Variants in SPSB4 observed in about 807,000 individuals in gnomAD.
SPSB4 encodes the protein SPRY domain-containing SOCS box protein 4.
In SPSB4, 21 loss-of-function variants were observed where a neutral mutation model predicts 20.9. The ratio of observed to expected loss-of-function variants is 1.01; its 90% CI spans 0.71 to 1.45. The LOEUF (loss-of-function observed/expected upper bound fraction) is 1.45. Ranked by LOEUF, SPSB4 falls within the 40% of genes most tolerant of loss-of-function variation. The pLI is 0.00. For missense variants in SPSB4, 399 were observed against 399.2 expected (o/e 1.00, Z 0.00); for synonymous variants, 207 against 183.8 (o/e 1.13, Z -1.02).
rs1016353313 is a variant in SPSB4, at chr3:141,123,490, A to G, written c.695-23652A>G. ...CTAAATTACTTACTCCTATGCCAGT[A>G]CCACTCAATGTCATTGCTACAGTGT... On this transcript the variant is annotated intron_variant, in intron 2 of 2. Transcript: ENST00000310546. Among the ~76,000 whole-genome samples the G allele has an allele frequency of 5.9e-5, 9 of 152,354 alleles. No individual in the cohort carries two copies. The East Asian group carries it at 7.7e-4, about 13-fold the overall frequency.
intron 2 of SPSB4, among the ~76,000 whole-genome samples, chr3:141,092,441 G>A (rs542039515): frequency 6.6e-6 from 1 of 152,332 alleles, no homozygotes; most frequent in East Asian, 1.9e-4. Flanking sequence ...GATCAGTCAA[G>A]AAGCATTCAT....
chr3:141,134,035 C>CTTTTCTTTTTTTTTTTTTTTTTTCTTTTT (rs1939181918), intron 2 of SPSB4, among the ~76,000 whole-genome samples: 1 of 46,764 alleles, frequency 2.1e-5, no homozygotes, highest in Non-Finnish European at 4.0e-5. Context: ...TTTTTCTTTT[C>CTTTTCTTTTTTTTTTTTTTTTTTCTTTTT]TTTTTTTTTT....
At chr3:141,123,416 A>G (rs1397395550) in intron 2 of SPSB4, among the ~76,000 whole-genome samples, 4 of 152,204 alleles carry the variant, frequency 2.6e-5, no homozygotes, top group East Asian at 1.9e-4. Flanking sequence ...TTGTACACAG[A>G]TGTGTGCCTC....
At chr3:141,143,347 G>A (rs552029954) in intron 2 of SPSB4, among the ~76,000 whole-genome samples, 6 of 152,148 alleles carry the variant, frequency 3.9e-5, no homozygotes, top group East Asian at 1.9e-4. Flanking sequence ...CCCTAGGGAC[G>A]GGGCTACCTG....
At chr3:141,061,494 G>T (rs2107776493) in intron 1 of SPSB4, among the ~76,000 whole-genome samples, 1 of 151,952 alleles carries the variant, frequency 6.6e-6, no homozygotes, top group South Asian at 2.1e-4. Context: ...GTACAGAGAG[G>T]TCCCATATGC....
intron 2 of SPSB4, among the ~76,000 whole-genome samples, chr3:141,120,564 C>T (rs958900930): frequency 9.8e-5 from 15 of 152,288 alleles, no homozygotes; most frequent in African/African-American, 3.6e-4. Flanking sequence ...TTGTAGATCT[C>T]TAAGGACTTC....
At chr3:141,143,665 T>G (rs1939371050) in intron 2 of SPSB4, among the ~76,000 whole-genome samples, 1 of 152,250 alleles carries the variant, frequency 6.6e-6, no homozygotes, top group Non-Finnish European at 1.5e-5. Flanking sequence ...TGGCATGCAG[T>G]GGAATTAACT....
chr3:141,147,440 C>A lies in SPSB4; in HGVS notation c.*171C>A. On this transcript the variant is annotated 3_prime_UTR_variant, in exon 3 of 3. Coordinates refer to ENST00000310546, the MANE Select transcript of SPSB4 (RefSeq NM_080862.3). ...GGTACCAACTTTGGAAACGAAAGGT[C>A]TCTTGCCAACAGTATCTACTGCCCT... 8.8e-7 allele frequency: 1 copy of A among 1,137,936 alleles called. No homozygotes were observed. Among genetic ancestry groups the A allele is most frequent in the Non-Finnish European group, 1.2e-6 (1 of 817,702 alleles). The allele number at this position is 1,137,936 out of a possible 1,614,324, so 70.5% of individuals were successfully genotyped here.
At chr3:141,073,214 G>A (rs1272819602) in intron 2 of SPSB4, among the ~76,000 whole-genome samples, 2 of 152,170 alleles carry the variant, frequency 1.3e-5, no homozygotes, top group Non-Finnish European at 2.9e-5. Context: ...TATTAGAAGT[G>A]ATGCAGAAAT....
intron 2 of SPSB4, among the ~76,000 whole-genome samples, chr3:141,094,309 G>A (rs1057415832): frequency 1.1e-4 from 16 of 152,224 alleles, no homozygotes; most frequent in East Asian, 1.9e-4. Flanking sequence ...CAGGTGCATG[G>A]GAACTTGGTG....
intron 2 of SPSB4, among the ~76,000 whole-genome samples, chr3:141,109,821 G>A (rs1360968742): frequency 1.3e-5 from 2 of 152,190 alleles, no homozygotes; most frequent in Admixed American, 1.3e-4. Context: ...ATTAAGCAGG[G>A]CAGGTCACAG....
chr3:141,093,312 G>C (rs1412712330), intron 2 of SPSB4, among the ~76,000 whole-genome samples: 1 of 151,754 alleles, frequency 6.6e-6, no homozygotes, highest in African/African-American at 2.4e-5. Context: ...GCCATACATT[G>C]CAGTAAGCAC....
intron 2 of SPSB4, among the ~76,000 whole-genome samples, chr3:141,083,228 T>C (rs1372222850): frequency 6.6e-6 from 1 of 152,214 alleles, no homozygotes; most frequent in East Asian, 1.9e-4. Context: ...GGCCAGCTTA[T>C]TTGATGGAGG....
chr3:141,071,916 T>C (rs1938013970), intron 2 of SPSB4, among the ~76,000 whole-genome samples: 1 of 152,264 alleles, frequency 6.6e-6, no homozygotes, highest in Admixed American at 6.5e-5. Flanking sequence ...CTGGTATTGA[T>C]GAAGGCCAGA....
intron 2 of SPSB4, among the ~76,000 whole-genome samples, chr3:141,122,355 C>A (rs1005378514): frequency 5.3e-5 from 8 of 152,122 alleles, no homozygotes; most frequent in Admixed American, 1.3e-4. Context: ...AGGTAGCTCC[C>A]AGTCAGGCTA....
chr3:141,118,824 T>G (rs1383276138), intron 2 of SPSB4, among the ~76,000 whole-genome samples: 1 of 152,140 alleles, frequency 6.6e-6, no homozygotes. Flanking sequence ...TATTTCTGAG[T>G]CCTCTGTTCT....
Position 141,051,544 on chromosome 3 carries a change from C to G in SPSB4, c.-602C>G, listed in dbSNP as rs1439837136. 1 of 152,322 alleles carries G rather than the reference C, an allele frequency of 6.6e-6. No individual in the cohort carries two copies. The highest frequency in any genetic ancestry group is 1.5e-5 in the Non-Finnish European group (1 of 67,856). The allele number at this position is 152,322 out of a possible 1,614,324, so 9.4% of individuals were successfully genotyped here. A position where few individuals can be genotyped will look rare whatever the true frequency, so the allele number is the denominator to read the frequency against. Reference sequence around the variant, plus strand: ...TCCCGGGCCCGGGCCCCAGCTGCTGCTACCGCTGCGTGCGCTCAGGGCGCT... The same window carrying G: ...TCCCGGGCCCGGGCCCCAGCTGCTGGTACCGCTGCGTGCGCTCAGGGCGCT... On this transcript the variant is annotated 5_prime_UTR_variant, in exon 1 of 3. Coordinates refer to ENST00000310546, the MANE Select transcript of SPSB4 (RefSeq NM_080862.3).
At chr3:141,132,159 G>T (rs765908474) in intron 2 of SPSB4, 1 of 425,240 alleles carries the variant, frequency 2.4e-6, no homozygotes, top group South Asian at 1.6e-5. Context: ...GGTCCCTAAA[G>T]TCCATTATAT....
chr3:141,109,595 C>T (rs2107797839), intron 2 of SPSB4, among the ~76,000 whole-genome samples: 1 of 152,162 alleles, frequency 6.6e-6, no homozygotes, highest in Admixed American at 6.5e-5. Context: ...TTCCATCGGC[C>T]TCGTGATGTG....
Sources: gnomAD v4.1 joint callset for allele counts (sites outside exome capture counted in the v4.1 genomes callset) on GRCh38, gnomAD v4.1.1 for gene constraint, MANE v1.5 for transcripts, NCBI Gene and HGNC (gene_info 2026-07-23, HGNC 2026-07-21) for gene names.